Variants in CHGA observed in about 807,000 individuals in gnomAD.
CHGA encodes the protein chromogranin-A.
Under a neutral mutation model 54.4 loss-of-function variants are expected in CHGA, and 41 were observed. The ratio of observed to expected loss-of-function variants is 0.75; its 90% CI spans 0.59 to 0.98. The LOEUF (loss-of-function observed/expected upper bound fraction) is 0.98. CHGA is among the 50% of genes least tolerant of loss of function. The pLI, the probability that CHGA is intolerant of heterozygous loss-of-function variation, is 0.00. For synonymous variants in CHGA, 249 were observed against 232.8 expected (o/e 1.07, Z -0.63); for missense variants, 576 against 582.3 (o/e 0.99, Z 0.11).
Position 92,923,420 on chromosome 14 carries a change from G to T in CHGA, c.46+15G>T. The stretch of plus-strand genomic sequence containing the variant: ...CGCCGGGCAAGGTGAGCGAGCGCGG[G>T]GAGCTCGCGGGAGAGGGTTCCGGGC... On this transcript the variant is annotated intron_variant, in intron 1 of 7. Coordinates refer to ENST00000216492, the MANE Select transcript of CHGA (RefSeq NM_001275.4). The T allele has an allele frequency of 7.9e-7, 1 of 1,258,318 alleles. No individual in the cohort carries two copies. Among genetic ancestry groups the T allele is most frequent in the Non-Finnish European group, 1.0e-6 (1 of 1,002,170 alleles). The allele number at this position is 1,258,318 out of a possible 1,614,324, so 77.9% of individuals were successfully genotyped here. A position where few individuals can be genotyped will look rare whatever the true frequency, so the allele number is the denominator to read the frequency against.
Position 92,931,463 on chromosome 14 carries a change from C to A in CHGA, c.569C>A (p.Pro190His). Reference protein sequence around the residue: ...ATNTHPPASLPSQKYPGPQAE... With the variant: ...ATNTHPPASLHSQKYPGPQAE... ...AACACCCACCCTCCAGCCAGCCTCC[C>A]CAGCCAGAAATACCCAGGCCCACAG... is the stretch of plus-strand genomic sequence containing the variant. The change falls in exon 6 of 8, where the codon CCC becomes CAC. Residue 190 changes from proline (P) to histidine (H), a missense_variant. Transcript: ENST00000216492. The A allele has an allele frequency of 6.2e-7, 1 of 1,610,740 alleles. No homozygotes were observed. The highest frequency in any genetic ancestry group is 1.7e-5 in the Admixed American group (1 of 59,568).
At position 92,930,719 on chromosome 14, in the gene CHGA, G is replaced by A. The variant is rs375872414; in HGVS notation, c.356-531G>A. 2.6e-4 allele frequency among the ~76,000 whole-genome samples: 39 copies of A among 152,364 alleles called. 1 individual carries two copies. In the East Asian group the frequency reaches 4.0e-3, roughly 16 times the overall value. ...CTCAGATGGTGGAATGTACTTGGGA[G>A]CACTTTGTTCAGTGGTTATCATTCT... is the stretch of plus-strand genomic sequence containing the variant. On this transcript the variant is annotated intron_variant, in intron 5 of 7. Transcript: ENST00000216492.
In CHGA at chr14:92,931,388, G is replaced by A; in HGVS notation, c.494G>A (p.Gly165Glu). The change falls in exon 6 of 8, where the codon GGG becomes GAG. Residue 165 changes from glycine (G) to glutamate (E), a missense_variant. By Grantham distance (98) the Gly-to-Glu change is moderately conservative. Coordinates refer to ENST00000216492, the MANE Select transcript of CHGA (RefSeq NM_001275.4). ...CCCATGCAGGAGTCCAAGGCTGAGG[G>A]GAACAATCAGGCCCCTGGGGAGGAA... Reference protein sequence around the residue: ...PEPMQESKAEGNNQAPGEEEE... With the variant: ...PEPMQESKAEENNQAPGEEEE... 6.2e-7 allele frequency: 1 copy of A among 1,612,718 alleles called. No individual in the cohort carries two copies. The highest frequency in any genetic ancestry group is 8.5e-7 in the Non-Finnish European group (1 of 1,179,746).
chr14:92,934,491 T>G lies in CHGA; in HGVS notation c.1291-310T>G, dbSNP rs1434440926. Among the ~76,000 whole-genome samples the G allele has an allele frequency of 2.0e-5, 3 of 152,244 alleles. No homozygotes were observed. The East Asian group carries it at 5.8e-4, about 30-fold the overall frequency. On this transcript the variant is annotated intron_variant, in intron 7 of 7. Coordinates refer to ENST00000216492, the MANE Select transcript of CHGA (RefSeq NM_001275.4). ...GGGCTCTTCAGGGCACTGTAAGCTTTGTTTTCCATGTGCCCTAAAAGAACA... is the reference window on the plus strand; with the variant it reads ...GGGCTCTTCAGGGCACTGTAAGCTTGGTTTTCCATGTGCCCTAAAAGAACA...
chr14:92,923,458 C>A, intron 1 of CHGA, 53 bp downstream of exon 1: 1 of 1,233,954 alleles, frequency 8.1e-7, no homozygotes, highest in South Asian at 3.6e-5. Flanking sequence ...CCCTGCCCAC[C>A]TTGAGGTCCG....
intron 5 of CHGA, 112 bp downstream of exon 5, chr14:92,929,927 A>G: frequency 1.3e-6 from 1 of 779,368 alleles, no homozygotes. Context: ...ATAATCCCTT[A>G]TTTCCCTCTC....
chr14:92,932,455 G>T lies in CHGA; in HGVS notation c.894G>T (p.Glu298Asp), dbSNP rs1399741955. 1 of 1,559,670 alleles carries T rather than the reference G, an allele frequency of 6.4e-7. No individual in the cohort carries two copies. The highest frequency in any genetic ancestry group is 8.7e-7 in the Non-Finnish European group (1 of 1,151,652). ...ACCCCGAAGGGAAGGGAGAACAGGA[G>T]CACTCCCAGCAGAAAGAGGAGGAGG... ...AQDPEGKGEQEHSQQKEEEEE... is the reference protein window; with the variant it reads ...AQDPEGKGEQDHSQQKEEEEE... The change falls in exon 7 of 8, where the codon GAG becomes GAT. Residue 298 changes from glutamate to aspartate, a missense_variant. Glu to Asp is a conservative substitution (Grantham distance 45). Transcript: ENST00000216492. This position sits in a 1 kb window ranked among gnomAD's most constrained non-coding sequence, Gnocchi z 5.3.
Position 92,932,942 on chromosome 14 carries a change from G to A in CHGA, c.1290+91G>A, listed in dbSNP as rs1365998833. 4 of 1,432,730 alleles carry A rather than the reference G, an allele frequency of 2.8e-6. No homozygotes were observed. Among genetic ancestry groups the A allele is most frequent in the Middle Eastern group, 2.6e-4 (1 of 3,884 alleles). The allele number at this position is 1,432,730 out of a possible 1,614,324, so 88.8% of individuals were successfully genotyped here. A position where few individuals can be genotyped will look rare whatever the true frequency, so the allele number is the denominator to read the frequency against. Reference sequence around the variant, plus strand: ...ACACACTGCCCCTGCCCCACTGAGGGGACAGGGCCCCCCCGCCGAAGTCTG... The same window carrying A: ...ACACACTGCCCCTGCCCCACTGAGGAGACAGGGCCCCCCCGCCGAAGTCTG... On this transcript the variant is annotated intron_variant, in intron 7 of 7. Transcript: ENST00000216492. The surrounding 1 kb of genome is among the most constrained non-coding windows in gnomAD (Gnocchi z 5.3).
Position 92,923,376 on chromosome 14 carries a change from T to G in CHGA, c.17T>G (p.Val6Gly), listed in dbSNP as rs902552733. 7.7e-7 allele frequency: 1 copy of G among 1,296,958 alleles called. No individual in the cohort carries two copies. Among genetic ancestry groups the G allele is most frequent in the Admixed American group, 4.0e-5 (1 of 24,736 alleles). The allele number at this position is 1,296,958 out of a possible 1,614,324, so 80.3% of individuals were successfully genotyped here. Residue 6 changes from valine to glycine, a missense_variant, in exon 1 of 8, where the codon GTC becomes GGC. By Grantham distance (109) the Val-to-Gly change is moderately radical (BLOSUM62 -3). Transcript: ENST00000216492. ...GGGTCCGCCATGCGCTCCGCCGCTG[T>G]CCTGGCTCTTCTGCTCTGCGCCGGG... MRSAA[V>G]LALLLCAGQV...
intron 5 of CHGA, among the ~76,000 whole-genome samples, chr14:92,930,210 T>G (rs1031369674): frequency 1.3e-5 from 2 of 152,240 alleles, no homozygotes; most frequent in African/African-American, 4.8e-5. Flanking sequence ...ATAGCCAGGA[T>G]GCAGGAGGAC....
chr14:92,926,526 A>C, intron 2 of CHGA, 79 bp from the exon 3 acceptor site: 7 of 1,198,652 alleles, frequency 5.8e-6, no homozygotes, highest in Non-Finnish European at 7.5e-6. Flanking sequence ...TGTCCTCACT[A>C]GAAATTCACC....
chr14:92,924,241 C>T lies in CHGA; in HGVS notation c.89C>T (p.Thr30Ile), dbSNP rs763437494. 1.2e-6 allele frequency: 2 copies of T among 1,611,990 alleles called. No homozygotes were observed. The highest frequency in any genetic ancestry group is 4.5e-5 in the East Asian group (2 of 44,766). ...AACAGCCCTATGAATAAAGGGGATA[C>T]CGAGGTAAGAAGGGGTGCTGGGGAT... ...PVNSPMNKGDTEVMKCIVEVI... is the reference protein window; with the variant it reads ...PVNSPMNKGDIEVMKCIVEVI... Residue 30 changes from threonine to isoleucine, a missense_variant, in exon 2 of 8, where the codon ACC (threonine) becomes ATC (isoleucine). Transcript: ENST00000216492.
rs530993265 is a variant in CHGA, at chr14:92,934,662, G to T, written c.1291-139G>T. ...GCAGTACAGTAAGCTCATTATCACT[G>T]TCTCCATGATGGATGAGGGTACAGA... On this transcript the variant is annotated intron_variant, in intron 7 of 7. Transcript: ENST00000216492. The T allele has an allele frequency of 1.5e-5, 10 of 655,902 alleles. No individual in the cohort carries two copies. In the African/African-American group the frequency reaches 1.9e-4, roughly 12 times the overall value. 40.6% of individuals were successfully genotyped at this position (655,902 alleles called of 1,614,324 possible).
intron 7 of CHGA, 73 bp from the exon 8 acceptor site, chr14:92,934,728 C>A (rs934782197): frequency 9.5e-6 from 11 of 1,160,448 alleles, no homozygotes; most frequent in Non-Finnish European, 1.4e-5. Flanking sequence ...GCTAACCCAG[C>A]GCCTTTCTGG....
At position 92,923,242 on chromosome 14, in the gene CHGA, C is replaced by A; in HGVS notation, c.-118C>A. ...GACGGACGCACGCCGAGGCACTGCGCCCCCAGCCCCGCGCCGGTGCCACCG... is the reference window on the plus strand; with the variant it reads ...GACGGACGCACGCCGAGGCACTGCGACCCCAGCCCCGCGCCGGTGCCACCG... On this transcript the variant is annotated 5_prime_UTR_variant, in exon 1 of 8. Coordinates refer to ENST00000216492, the MANE Select transcript of CHGA (RefSeq NM_001275.4). The A allele has an allele frequency of 1.1e-6, 1 of 936,312 alleles. No homozygotes were observed. Among genetic ancestry groups the A allele is most frequent in the Non-Finnish European group, 1.4e-6 (1 of 724,288 alleles). The allele number at this position is 936,312 out of a possible 1,614,324, so 58.0% of individuals were successfully genotyped here.
At position 92,924,167 on chromosome 14, in the gene CHGA, G is replaced by A. The variant is rs367826145; in HGVS notation, c.47-32G>A. The A allele has an allele frequency of 1.9e-6, 3 of 1,606,900 alleles. No individual in the cohort carries two copies. In the African/African-American group the frequency reaches 4.0e-5, roughly 21 times the overall value. On this transcript the variant is annotated intron_variant, in intron 1 of 7. Transcript: ENST00000216492. ...GGACTGGCCTCCACTTGGAGCAGAG[G>A]AGTGACCCCAGCACTCTCTTCTTCT...
rs765097128 is a variant in CHGA at position 92,931,669 on chromosome 14, A to G, written c.775A>G (p.Ser259Gly). 6.3e-7 allele frequency: 1 copy of G among 1,590,920 alleles called. No individual in the cohort carries two copies. The highest frequency in any genetic ancestry group is 1.3e-5 in the African/African-American group (1 of 74,378). The stretch of plus-strand genomic sequence containing the variant: ...CACTGTAGTGCTGAACCCCCACCCG[A>G]GCCTTGGCTACAAGGAGATCCGGAA... The part of the protein sequence containing the change: ...GPTVVLNPHP[S>G]LGYKEIRKGE... The change falls in exon 6 of 8, where the codon AGC becomes GGC. Residue 259 changes from serine (S) to glycine (G), a missense_variant. Physicochemically the swap from Ser to Gly is moderately conservative, Grantham distance 56. Coordinates refer to ENST00000216492, the MANE Select transcript of CHGA (RefSeq NM_001275.4).
intron 4 of CHGA, among the ~76,000 whole-genome samples, chr14:92,928,252 G>A (rs775832673): frequency 1.3e-5 from 2 of 152,244 alleles, no homozygotes; most frequent in Non-Finnish European, 2.9e-5. Flanking sequence ...GGCTGGGCTT[G>A]TGTCTGGGGT....
Position 92,923,302 on chromosome 14 carries a change from C to T in CHGA, c.-58C>T. On this transcript the variant is annotated 5_prime_UTR_variant, in exon 1 of 8. Coordinates refer to ENST00000216492, the MANE Select transcript of CHGA (RefSeq NM_001275.4). ...CCCGGCCGCCAGTCCAGCCGCCCCT[C>T]GCCCGGTGCCTAGGTGCCCGGCCCC... 3.1e-6 allele frequency: 4 copies of T among 1,286,372 alleles called. No individual in the cohort carries two copies. Among genetic ancestry groups the T allele is most frequent in the Non-Finnish European group, 3.9e-6 (4 of 1,019,688 alleles). 79.7% of individuals were successfully genotyped at this position (1,286,372 alleles called of 1,614,324 possible).
Sources: gnomAD v4.1 joint callset for allele counts (sites outside exome capture counted in the v4.1 genomes callset) on GRCh38, gnomAD v4.1.1 for gene constraint, Gnocchi (gnomAD v3.1) non-coding constraint, MANE v1.5 for transcripts, NCBI Gene and HGNC (gene_info 2026-07-23, HGNC 2026-07-21) for gene names.